Variants in HORMAD1 observed in about 807,000 individuals in gnomAD.
HORMAD1 encodes the protein HORMA domain-containing protein 1.
HORMAD1 carries 33 observed loss-of-function variants against 58.2 expected under a neutral mutation model. The observed-to-expected ratio is 0.57, with a 90% CI of 0.43 to 0.76. The LOEUF is 0.76. Among genes scored for constraint, HORMAD1 ranks in the 30% least tolerant of loss-of-function variants. The probability of loss-of-function intolerance (pLI) is 0.00; values close to 1 mark genes in which losing one functional copy is unlikely to be tolerated. For missense variants in HORMAD1, 363 were observed against 462.0 expected (o/e 0.79, Z 1.96); for synonymous variants, 137 against 144.6 (o/e 0.95, Z 0.38).
chr1:150,711,661 G>A, intron 6 of HORMAD1, 90 bp from the exon 7 acceptor site: 1 of 1,088,872 alleles, frequency 9.2e-7, no homozygotes, highest in Non-Finnish European at 1.4e-6. Context: ...TGTGAACTCA[G>A]CAAAACAAAC....
chr1:150,715,416 A>C (rs1652038600), intron 3 of HORMAD1, among the ~76,000 whole-genome samples: 1 of 152,214 alleles, frequency 6.6e-6, no homozygotes, highest in South Asian at 2.1e-4. Context: ...TCATATCCTC[A>C]GGTACCTTAA....
intron 13 of HORMAD1, among the ~76,000 whole-genome samples, chr1:150,701,143 T>A (rs910204596): frequency 2.6e-5 from 4 of 152,196 alleles, no homozygotes; most frequent in African/African-American, 9.6e-5. Flanking sequence ...CAAAAACATG[T>A]GCAATTTCAG....
Position 150,708,950 on chromosome 1 carries a change from T to C in HORMAD1, c.339A>G (p.Glu113=). 1.4e-6 allele frequency: 2 copies of C among 1,467,922 alleles called. No homozygotes were observed. Among genetic ancestry groups the C allele is most frequent in the Non-Finnish European group, 1.9e-6 (2 of 1,047,204 alleles). 90.9% of individuals were successfully genotyped at this position (1,467,922 alleles called of 1,614,324 possible). Residue 113 remains glutamate, a synonymous_variant, in exon 8 of 15, where the codon GAA becomes GAG. Transcript: ENST00000361824. ...TGTATTTGAATTTGAATTGGTAACA[T>C]TCTGAAATTGTCTTAAATAGAAAAT... ...TNPEDPQTIS[E]CYQFKFKYTN... is the part of the protein sequence containing the mutation.
At chr1:150,716,790 C>T (rs587640684) in intron 3 of HORMAD1, among the ~76,000 whole-genome samples, 168 of 151,340 alleles carry the variant, frequency 1.1e-3, no homozygotes, top group African/African-American at 4.0e-3. Flanking sequence ...GGTGAAACCC[C>T]GTCTCTACTA....
intron 14 of HORMAD1, chr1:150,699,049 T>A: frequency 5.4e-6 from 1 of 186,474 alleles, no homozygotes; most frequent in East Asian, 1.3e-4. Flanking sequence ...AAAAAGATTT[T>A]AAAATGAACT....
intron 10 of HORMAD1, among the ~76,000 whole-genome samples, chr1:150,705,782 G>T (rs918005636): frequency 6.6e-6 from 1 of 152,150 alleles, no homozygotes; most frequent in African/African-American, 2.4e-5. Context: ...AAAATTGATT[G>T]AATTTTCTAT....
chr1:150,713,807 CT>C (rs1248633737), intron 5 of HORMAD1: 8 of 318,170 alleles, frequency 2.5e-5, no homozygotes, highest in Non-Finnish European at 4.0e-5. Flanking sequence ...TGAAAAGACT[CT>C]TTAATTCATT....
chr1:150,714,275 TA>T (rs1213689696), intron 4 of HORMAD1, among the ~76,000 whole-genome samples, 154 bp from the exon 5 acceptor site: 2 of 151,686 alleles, frequency 1.3e-5, no homozygotes, highest in Non-Finnish European at 2.9e-5. Flanking sequence ...AGACAAAACA[TA>T]AAAAACAATG....
intron 9 of HORMAD1, among the ~76,000 whole-genome samples, chr1:150,707,568 G>A (rs587599514): frequency 6.6e-6 from 1 of 152,304 alleles, no homozygotes; most frequent in African/African-American, 2.4e-5. Flanking sequence ...AAGATAGTGT[G>A]CATTTAAAAT....
chr1:150,706,082 A>G (rs1443725284), intron 10 of HORMAD1, among the ~76,000 whole-genome samples: 1 of 152,210 alleles, frequency 6.6e-6, no homozygotes, highest in Non-Finnish European at 1.5e-5. Flanking sequence ...GTTGAATGAG[A>G]CACTTTTCCT....
At chr1:150,709,125 G>A (rs1020592304) in intron 7 of HORMAD1, 164 bp from the exon 8 acceptor site, 1 of 597,372 alleles carries the variant, frequency 1.7e-6, no homozygotes, top group Admixed American at 2.9e-5. Flanking sequence ...AGTTTTCATG[G>A]TTTGGGTTTG....
intron 3 of HORMAD1, among the ~76,000 whole-genome samples, 177 bp from the exon 4 acceptor site, chr1:150,714,855 G>A (rs758840395): frequency 2.0e-5 from 3 of 151,886 alleles, no homozygotes; most frequent in South Asian, 2.1e-4. Context: ...ACATGATCTC[G>A]GCTCACTGGA....
In HORMAD1 at chr1:150,711,939, T is replaced by A; in HGVS notation, c.280-86A>T. 4 of 873,142 alleles carry A rather than the reference T, an allele frequency of 4.6e-6. No individual in the cohort carries two copies. In the South Asian group the frequency reaches 6.0e-5, roughly 13 times the overall value. The allele number at this position is 873,142 out of a possible 1,614,324, so 54.1% of individuals were successfully genotyped here. On this transcript the variant is annotated intron_variant, in intron 5 of 14. Coordinates refer to ENST00000361824, the MANE Select transcript of HORMAD1 (RefSeq NM_032132.5). ...AATCATAAGAATTCTTTGTCCTATT[T>A]CAACATGTATTCCTAATAACAAATA...
intron 5 of HORMAD1, 98 bp downstream of exon 5, chr1:150,713,985 CAA>C: frequency 1.3e-6 from 1 of 779,480 alleles, no homozygotes; most frequent in Non-Finnish European, 2.2e-6. Context: ...GACCTACACT[CAA>C]GTTAGTTCAA....
At position 150,704,286 on chromosome 1, in the gene HORMAD1, C is replaced by G; in HGVS notation, c.862G>C (p.Glu288Gln). The part of the protein sequence containing the change: ...EEQEKNPASS[E>Q]LEEPSLVCEE... The stretch of plus-strand genomic sequence containing the variant: ...TTCATTAACTTCTTACCTTCAAGTT[C>G]AGAAGATGCAGGGTTTTTTTCCTGT... Residue 288 changes from glutamate (E) to glutamine (Q), a missense_variant, in exon 11 of 15, where the codon GAA becomes CAA. By Grantham distance (29) the Glu-to-Gln change is conservative (BLOSUM62 2). Around this residue, in one of 3 missense-constraint regions of HORMAD1, gnomAD observed 226 missense variants for 257.8 expected, o/e 0.88. Transcript: ENST00000361824. 1 of 1,594,606 alleles carries G rather than the reference C, an allele frequency of 6.3e-7. No individual in the cohort carries two copies. The highest frequency in any genetic ancestry group is 8.5e-7 in the Non-Finnish European group (1 of 1,171,818).
At chr1:150,719,686 T>C in intron 1 of HORMAD1, 148 bp from the exon 2 acceptor site, 2 of 478,154 alleles carry the variant, frequency 4.2e-6, no homozygotes, top group Non-Finnish European at 7.5e-6. Flanking sequence ...TAGAGGTCGA[T>C]ATTGCAGTAG....
chr1:150,704,745 C>A (rs1233458969), intron 10 of HORMAD1, among the ~76,000 whole-genome samples: 1 of 151,910 alleles, frequency 6.6e-6, no homozygotes, highest in African/African-American at 2.4e-5. Context: ...CAAACACAAA[C>A]AAACAAAAAA....
rs759177978 is a variant in HORMAD1 at position 150,700,132 on chromosome 1, G to C, written c.1084C>G (p.Gln362Glu). 22 of 1,563,490 alleles carry C rather than the reference G, an allele frequency of 1.4e-5. No individual in the cohort carries two copies. The South Asian group carries it at 2.4e-4, about 17-fold the overall frequency. Residue 362 changes from glutamine (Q) to glutamate (E), a missense_variant, in exon 14 of 15, where the codon CAA becomes GAA. Transcript: ENST00000361824. Reference protein sequence around the residue: ...KSSKENRKRSQHESGRIVLHH... With the variant: ...KSSKENRKRSEHESGRIVLHH... ...CTTACTATTCTCCCAGATTCATGTT[G>C]ACTTCTCTTCCGATTTTCTTTGGAA...
chr1:150,718,682 T>G (rs954455211), intron 2 of HORMAD1, among the ~76,000 whole-genome samples: 1 of 152,154 alleles, frequency 6.6e-6, no homozygotes, highest in African/African-American at 2.4e-5. Context: ...TGGAGTGCAG[T>G]GGTGTGATCT....
Sources: gnomAD v4.1 joint callset for allele counts (sites outside exome capture counted in the v4.1 genomes callset) on GRCh38, gnomAD v4.1.1 for gene constraint, gnomAD v4.1.1 regional missense constraint, MANE v1.5 for transcripts, NCBI Gene and HGNC (gene_info 2026-07-23, HGNC 2026-07-21) for gene names.